Variants in MARCO observed in about 807,000 individuals in gnomAD.
The protein encoded by MARCO is macrophage receptor with collagenous structure, also known as macrophage receptor MARCO.
In MARCO, 72 loss-of-function variants were observed where a neutral mutation model predicts 70.0. The observed-to-expected ratio is 1.03, with a 90% CI of 0.85 to 1.25. The LOEUF (loss-of-function observed/expected upper bound fraction) is 1.25, where lower values mean the gene tolerates loss of function less well. Ranked by LOEUF, MARCO falls within the 50% of genes most tolerant of loss-of-function variation. MARCO has a pLI of 0.00. For missense variants in MARCO, 696 were observed against 659.3 expected, an observed-to-expected ratio of 1.06 and a Z score of -0.61; for synonymous variants, 273 against 243.1, an observed-to-expected ratio of 1.12 and a Z score of -1.14.
intron 1 of MARCO, 30 bp downstream of exon 1, chr2:118,942,427 G>A (rs941173181): frequency 2.0e-6 from 3 of 1,505,542 alleles, no homozygotes; most frequent in Non-Finnish European, 1.8e-6. Context: ...TAATGGAAAT[G>A]ACCAGAAATG....
Position 118,991,839 on chromosome 2 carries a change from G to T in MARCO, c.1171G>T (p.Gly391Ter). 18 of 1,601,226 alleles carry T rather than the reference G, an allele frequency of 1.1e-5. No individual in the cohort carries two copies. Among genetic ancestry groups the T allele is most frequent in the East Asian group, 2.2e-5 (1 of 44,506 alleles). Residue 391 changes from glycine to a stop codon, truncating the protein, a stop_gained, in exon 14 of 17, where the codon GGA becomes TGA. Coordinates refer to ENST00000327097, the MANE Select transcript of MARCO (RefSeq NM_006770.4). LOFTEE classifies it high-confidence loss of function. ...PGLAGPKGAPGQAGQKGDQGV... is the reference protein window; with the variant it reads ...PGLAGPKGAP ...GCTGGCAGGTCCCAAGGGAGCCCCTGGACAAGCTGGCCAGAAGGGAGACCA... is the reference window on the plus strand; with the variant it reads ...GCTGGCAGGTCCCAAGGGAGCCCCTTGACAAGCTGGCCAGAAGGGAGACCA...
At chr2:118,950,501 G>A (rs1679701345) in intron 1 of MARCO, among the ~76,000 whole-genome samples, 1 of 152,070 alleles carries the variant, frequency 6.6e-6, no homozygotes, top group Non-Finnish European at 1.5e-5. Context: ...ACATTCTTAT[G>A]CCTCCTTATA....
intron 12 of MARCO, among the ~76,000 whole-genome samples, chr2:118,988,347 C>T (rs6750413): frequency 0.01 from 1,540 of 152,078 alleles, 19 homozygotes; most frequent in African/African-American, 0.036. Flanking sequence ...GGGTGCATCT[C>T]TTTAGGTGGT....
At chr2:118,963,563 G>A (rs2104568248) in intron 1 of MARCO, among the ~76,000 whole-genome samples, 1 of 152,070 alleles carries the variant, frequency 6.6e-6, no homozygotes, top group African/African-American at 2.4e-5. Context: ...TGTACATTCT[G>A]CTGTTGCTAC....
Position 118,990,569 on chromosome 2 carries a change from C to CGGGGGTGGG in MARCO, c.1064-20_1064-19insGGGGGTGGG. On this transcript the variant is annotated intron_variant, in intron 12 of 16. Transcript: ENST00000327097. ...AGTTTTATTATCTCCTCCCCCCCCC[C>CGGGGGTGGG]TTTTTTGTTTTGATCTTAGGACTTC... 7.1e-7 allele frequency: 1 copy of CGGGGGTGGG among 1,415,952 alleles called. No homozygotes were observed. Among genetic ancestry groups the CGGGGGTGGG allele is most frequent in the Non-Finnish European group, 9.7e-7 (1 of 1,028,312 alleles). The allele number at this position is 1,415,952 out of a possible 1,614,324, so 87.7% of individuals were successfully genotyped here.
At chr2:118,958,747 T>C (rs62157400) in intron 1 of MARCO, among the ~76,000 whole-genome samples, 2,598 of 152,108 alleles carry the variant, frequency 0.017, 39 homozygotes, top group Middle Eastern at 0.037. Context: ...CACTATCTGA[T>C]TTCAAACTAT....
intron 1 of MARCO, among the ~76,000 whole-genome samples, chr2:118,962,992 TA>T (rs1316224202): frequency 6.6e-6 from 1 of 152,060 alleles, no homozygotes; most frequent in Non-Finnish European, 1.5e-5. Flanking sequence ...CTTTCATTTT[TA>T]TTTTTGTTCA....
intron 15 of MARCO, 58 bp from the exon 16 acceptor site, chr2:118,993,066 C>A (rs2104616151): frequency 1.3e-6 from 2 of 1,500,702 alleles, no homozygotes; most frequent in East Asian, 2.3e-5. Flanking sequence ...AGAGCCCGCA[C>A]TTACCCAAAG....
intron 8 of MARCO, among the ~76,000 whole-genome samples, chr2:118,980,993 C>G (rs1049195825): frequency 1.3e-5 from 2 of 152,184 alleles, no homozygotes; most frequent in African/African-American, 2.4e-5. Context: ...CAGTGTTTTT[C>G]TCTCTATTGA....
intron 1 of MARCO, among the ~76,000 whole-genome samples, chr2:118,966,505 C>T (rs1680054325): frequency 6.6e-6 from 1 of 152,170 alleles, no homozygotes; most frequent in Non-Finnish European, 1.5e-5. Context: ...GGTCTACAGG[C>T]TCAACATTCC....
chr2:118,983,490 G>C (rs1680432194), intron 12 of MARCO, among the ~76,000 whole-genome samples: 1 of 152,134 alleles, frequency 6.6e-6, no homozygotes, highest in African/African-American at 2.4e-5. Flanking sequence ...CTTGTAATCT[G>C]TCGAGCCCCA....
At chr2:118,955,960 T>C (rs940394428) in intron 1 of MARCO, among the ~76,000 whole-genome samples, 2 of 102,926 alleles carry the variant, frequency 1.9e-5, no homozygotes, top group East Asian at 3.1e-4. Flanking sequence ...ACTTGAACTG[T>C]TTAAATCTGT....
At chr2:118,985,600 A>C (rs1298063705) in intron 12 of MARCO, among the ~76,000 whole-genome samples, 1 of 152,194 alleles carries the variant, frequency 6.6e-6, no homozygotes, top group Non-Finnish European at 1.5e-5. Context: ...GACCCTGTCC[A>C]GCCTCCATCA....
In MARCO at chr2:118,969,211, T is replaced by A. The variant is rs1472486766; in HGVS notation, c.149T>A (p.Val50Asp). ...NGVNFSLAVV[V>D]IYLILLTAGA... The stretch of plus-strand genomic sequence containing the variant: ...GTGAACTTCTCCCTAGCTGTGGTGG[T>A]CATCTACCTGATCCTGCTCACCGCT... Residue 50 changes from valine to aspartate, a missense_variant, in exon 2 of 17, where the codon GTC becomes GAC. This residue lies in a region of MARCO where 605 missense variants were observed against 537.6 expected (regional missense o/e 1.13). Coordinates refer to ENST00000327097, the MANE Select transcript of MARCO (RefSeq NM_006770.4). 1 of 1,614,078 alleles carries A rather than the reference T, an allele frequency of 6.2e-7. No homozygotes were observed. Among genetic ancestry groups the A allele is most frequent in the Non-Finnish European group, 8.5e-7 (1 of 1,180,034 alleles).
chr2:118,987,142 T>TA, intron 12 of MARCO, among the ~76,000 whole-genome samples: 1 of 152,368 alleles, frequency 6.6e-6, no homozygotes, highest in East Asian at 1.9e-4. Flanking sequence ...ATTATTTCTG[T>TA]AAAAACACTT....
At chr2:118,979,876 A>AGATAAGCCACCAAATTAAAGTCCCAGGG (rs1270863700) in intron 8 of MARCO, among the ~76,000 whole-genome samples, 1 of 152,208 alleles carries the variant, frequency 6.6e-6, no homozygotes, top group African/African-American at 2.4e-5. Context: ...GCTAGTAGAC[A>AGATAAGCCACCAAATTAAAGTCCCAGGG]GATAAGCCAC....
chr2:118,987,042 C>A (rs139875256), intron 12 of MARCO, among the ~76,000 whole-genome samples: 2 of 152,262 alleles, frequency 1.3e-5, no homozygotes, highest in East Asian at 1.9e-4. Context: ...GGAGCAGGAA[C>A]AATTGAAGAC....
chr2:118,954,908 A>T (rs1272025247), intron 1 of MARCO, among the ~76,000 whole-genome samples: 2 of 152,160 alleles, frequency 1.3e-5, no homozygotes, highest in African/African-American at 4.8e-5. Flanking sequence ...GGACAAAAAA[A>T]TCTGAACAGC....
At chr2:118,944,465 A>T (rs1468075063) in intron 1 of MARCO, among the ~76,000 whole-genome samples, 1 of 152,132 alleles carries the variant, frequency 6.6e-6, no homozygotes, top group Admixed American at 6.6e-5. Context: ...TGTCTGCTGA[A>T]GATTTATTTA....
Sources: gnomAD v4.1 joint callset for allele counts (sites outside exome capture counted in the v4.1 genomes callset) on GRCh38, gnomAD v4.1.1 for gene constraint, gnomAD v4.1.1 regional missense constraint, MANE v1.5 for transcripts, NCBI Gene and HGNC (gene_info 2026-07-23, HGNC 2026-07-21) for gene names.